DSG3: variants seen among roughly 807,000 people sequenced by gnomAD.
DSG3 encodes desmoglein-3.
A neutral mutation model predicts 85.9 loss-of-function variants in DSG3; 63 were observed. The ratio of observed to expected loss-of-function variants is 0.73; its 90% CI spans 0.60 to 0.90. The LOEUF (loss-of-function observed/expected upper bound fraction) is 0.90, where lower values mean the gene tolerates loss of function less well. Among genes scored for constraint, DSG3 ranks in the 40% least tolerant of loss-of-function variants. The pLI is 0.00. For missense variants in DSG3, 1,220 were observed against 1,219.9 expected, an observed-to-expected ratio of 1.00 and a Z score of 0.00; for synonymous variants, 447 against 441.9, an observed-to-expected ratio of 1.01 and a Z score of -0.14.
At chr18:31,456,531 T>A (rs2072743094) in intron 2 of DSG3, 56 bp downstream of exon 2, 9 of 957,762 alleles carry the variant, frequency 9.4e-6, no homozygotes, top group Admixed American at 6.3e-5. Flanking sequence ...TAAAAAAAAA[T>A]TAAATTGTGT....
chr18:31,476,570 G>GT lies in DSG3; in HGVS notation c.*313dup, dbSNP rs1286453715. ...TATTTTTCCCCTGCCAAAGGAAGGTGTTTATCATTTTAAAATGCAATGTGA... is the reference window on the plus strand; with the variant it reads ...TATTTTTCCCCTGCCAAAGGAAGGTGTTTTATCATTTTAAAATGCAATGTGA... On this transcript the variant is annotated 3_prime_UTR_variant, in exon 16 of 16. Coordinates refer to ENST00000257189, the MANE Select transcript of DSG3 (RefSeq NM_001944.3). 4.0e-6 allele frequency: 1 copy of GT among 250,428 alleles called. No individual in the cohort carries two copies. Among genetic ancestry groups the GT allele is most frequent in the Non-Finnish European group, 7.6e-6 (1 of 131,682 alleles). The allele number at this position is 250,428 out of a possible 1,614,324, so 15.5% of individuals were successfully genotyped here. A position where few individuals can be genotyped will look rare whatever the true frequency, so the allele number is the denominator to read the frequency against.
At chr18:31,463,980 C>G in intron 8 of DSG3, 131 bp from the exon 9 acceptor site, 1 of 854,940 alleles carries the variant, frequency 1.2e-6, no homozygotes, top group Non-Finnish European at 1.8e-6. Context: ...ACAATAATTT[C>G]TGAAGCTGTT....
rs2072773332 is a variant in DSG3 at position 31,459,946 on chromosome 18, C to T, written c.619C>T (p.Pro207Ser). Residue 207 changes from proline to serine, a missense_variant, in exon 6 of 16, where the codon CCC becomes TCC. By Grantham distance (74) the Pro-to-Ser change is moderately conservative. Coordinates refer to ENST00000257189, the MANE Select transcript of DSG3 (RefSeq NM_001944.3). ...KIVSQEPAGTPMFLLSRNTGE... is the reference protein window; with the variant it reads ...KIVSQEPAGTSMFLLSRNTGE... ...TGTCTCTCAGGAACCAGCAGGCACACCCATGTTCCTCCTAAGCAGAAACAC... is the reference window on the plus strand; with the variant it reads ...TGTCTCTCAGGAACCAGCAGGCACATCCATGTTCCTCCTAAGCAGAAACAC... 3 of 1,614,030 alleles carry T rather than the reference C, an allele frequency of 1.9e-6. No homozygotes were observed. Among genetic ancestry groups the T allele is most frequent in the East Asian group, 2.2e-5 (1 of 44,868 alleles).
At chr18:31,456,702 A>C (rs1194685997) in intron 2 of DSG3, among the ~76,000 whole-genome samples, 1 of 152,190 alleles carries the variant, frequency 6.6e-6, no homozygotes, top group Non-Finnish European at 1.5e-5. Context: ...TCTTATCTTA[A>C]ACAAATCAGC....
At position 31,456,521 on chromosome 18, in the gene DSG3, T is replaced by A. The variant is rs753441177; in HGVS notation, c.84+46T>A. 4 of 1,086,636 alleles carry A rather than the reference T, an allele frequency of 3.7e-6. No homozygotes were observed. The Admixed American group carries it at 9.3e-5, about 25-fold the overall frequency. 67.3% of individuals were successfully genotyped at this position (1,086,636 alleles called of 1,614,324 possible). A position where few individuals can be genotyped will look rare whatever the true frequency, so the allele number is the denominator to read the frequency against. On this transcript the variant is annotated intron_variant, in intron 2 of 15. Coordinates refer to ENST00000257189, the MANE Select transcript of DSG3 (RefSeq NM_001944.3). ...TTGTACTTAAAATAATAGTTTAGTT[T>A]AAAAAAAAATTAAATTGTGTTTAGT...
chr18:31,455,335 C>T (rs575442745), intron 1 of DSG3, among the ~76,000 whole-genome samples: 10 of 151,696 alleles, frequency 6.6e-5, no homozygotes, highest in South Asian at 4.2e-4. Context: ...CATTATTTTC[C>T]GACCAGATTC....
intron 4 of DSG3, 82 bp from the exon 5 acceptor site, chr18:31,458,951 A>C: frequency 6.7e-7 from 1 of 1,491,228 alleles, no homozygotes; most frequent in Non-Finnish European, 9.1e-7. Flanking sequence ...TGTCCATGCC[A>C]ACAGAGGCCT....
intron 15 of DSG3, 131 bp downstream of exon 15, chr18:31,474,535 G>T: frequency 8.3e-7 from 1 of 1,201,144 alleles, no homozygotes; most frequent in South Asian, 1.6e-5. Flanking sequence ...TGGTTTGTTT[G>T]TTTTTTGCCA....
intron 12 of DSG3, among the ~76,000 whole-genome samples, chr18:31,470,866 G>A (rs1210907356): frequency 2.0e-5 from 3 of 152,154 alleles, no homozygotes; most frequent in African/African-American, 7.2e-5. Flanking sequence ...GCTAAAGCGC[G>A]GGGAAATTGT....
chr18:31,459,908 T>C lies in DSG3; in HGVS notation c.581T>C (p.Ile194Thr), dbSNP rs2072772984. ...ADEPNHLNSK[I>T]AFKIVSQEPA... ...GAACCAAACCACTTGAATTCTAAAA[T>C]TGCCTTCAAAATTGTCTCTCAGGAA... The change falls in exon 6 of 16, where the codon ATT becomes ACT. Residue 194 changes from isoleucine (I) to threonine (T), a missense_variant. Coordinates refer to ENST00000257189, the MANE Select transcript of DSG3 (RefSeq NM_001944.3). 3 of 1,613,972 alleles carry C rather than the reference T, an allele frequency of 1.9e-6. No homozygotes were observed. The highest frequency in any genetic ancestry group is 1.7e-6 in the Non-Finnish European group (2 of 1,180,012).
Position 31,475,988 on chromosome 18 carries a change from T to C in DSG3, c.2728T>C (p.Leu910=), listed in dbSNP as rs770517333. 6.2e-7 allele frequency: 1 copy of C among 1,614,216 alleles called. No individual in the cohort carries two copies. The highest frequency in any genetic ancestry group is 2.2e-5 in the East Asian group (1 of 44,886). The change falls in exon 16 of 16, where the codon TTG becomes CTG. Residue 910 remains leucine, a synonymous_variant. Transcript: ENST00000257189. ...TLSGSQGASA[L]STSGSVQPAV... ...GTCAGGAAGTCAAGGAGCTTCTGCTTTGTCCACCTCTGGGTCTGTCCAGCC... is the reference window on the plus strand; with the variant it reads ...GTCAGGAAGTCAAGGAGCTTCTGCTCTGTCCACCTCTGGGTCTGTCCAGCC...
At chr18:31,466,980 C>T (rs1316157618) in intron 11 of DSG3, among the ~76,000 whole-genome samples, 1 of 152,238 alleles carries the variant, frequency 6.6e-6, no homozygotes, top group Non-Finnish European at 1.5e-5. Flanking sequence ...TTTTAGGGTT[C>T]GTTTGATATT....
At chr18:31,456,553 G>T in intron 2 of DSG3, 78 bp downstream of exon 2, 3 of 743,444 alleles carry the variant, frequency 4.0e-6, no homozygotes, top group South Asian at 5.7e-5. Context: ...TAGTAGAAAT[G>T]AATATTTAAT....
At chr18:31,462,964 C>G (rs2072795430) in intron 8 of DSG3, among the ~76,000 whole-genome samples, 1 of 152,180 alleles carries the variant, frequency 6.6e-6, no homozygotes, top group Non-Finnish European at 1.5e-5. Context: ...TTTCCCTTGA[C>G]AGTAAGGGTG....
At position 31,466,601 on chromosome 18, in the gene DSG3, G is replaced by A; in HGVS notation, c.1483G>A (p.Ala495Thr). The part of the protein sequence containing the change: ...VPDFNDNCPT[A>T]VLEKDAVCSS... Reference sequence around the variant, plus strand: ...CGATTTCAATGACAATTGTCCAACAGCTGTCCTCGAAAAAGATGCAGTTTG... The same window carrying A: ...CGATTTCAATGACAATTGTCCAACAACTGTCCTCGAAAAAGATGCAGTTTG... Residue 495 changes from alanine (A) to threonine (T), a missense_variant, in exon 11 of 16, where the codon GCT (alanine) becomes ACT (threonine). By Grantham distance (58) the Ala-to-Thr change is moderately conservative. Coordinates refer to ENST00000257189, the MANE Select transcript of DSG3 (RefSeq NM_001944.3). 3 of 1,614,212 alleles carry A rather than the reference G, an allele frequency of 1.9e-6. No homozygotes were observed. Among genetic ancestry groups the A allele is most frequent in the Non-Finnish European group, 2.5e-6 (3 of 1,180,038 alleles).
rs7240789 is a variant in DSG3 at position 31,458,573 on chromosome 18, C to G, written c.345C>G (p.Val115=). ...GAGATATTAACATAACAGCTATAGT[C>G]GACCGGGAGGAAACTCCAAGCTTCC... ...NTGDINITAI[V]DREETPSFLI... Residue 115 remains valine (V), a synonymous_variant, in exon 4 of 16, where the codon GTC becomes GTG. Transcript: ENST00000257189. 2 of 1,613,492 alleles carry G rather than the reference C, an allele frequency of 1.2e-6. No individual in the cohort carries two copies. The highest frequency in any genetic ancestry group is 1.3e-5 in the African/African-American group (1 of 74,924).
chr18:31,467,907 A>AT (rs1598784160), intron 11 of DSG3, among the ~76,000 whole-genome samples: 2 of 152,212 alleles, frequency 1.3e-5, no homozygotes, highest in Admixed American at 6.5e-5. Context: ...CAAACTGTGC[A>AT]TGTAGCATTT....
chr18:31,473,909 A>G lies in DSG3; in HGVS notation c.2102-212A>G, dbSNP rs190241876. On this transcript the variant is annotated intron_variant, in intron 14 of 15. Transcript: ENST00000257189. Reference sequence around the variant, plus strand: ...TTCTTTGTACACTTTTAAAATTAGTATATTTTTAGAGCTTTTTCACCCGTT... The same window carrying G: ...TTCTTTGTACACTTTTAAAATTAGTGTATTTTTAGAGCTTTTTCACCCGTT... Among the ~76,000 whole-genome samples, 534 of 152,228 alleles carry G rather than the reference A, an allele frequency of 3.5e-3. 5 individuals are homozygous for G. Among genetic ancestry groups the G allele is most frequent in the African/African-American group, 0.012 (500 of 41,538 alleles).
chr18:31,466,736 A>C lies in DSG3; in HGVS notation c.1618A>C (p.Ser540Arg), dbSNP rs1403095875. The C allele has an allele frequency of 8.1e-6, 13 of 1,613,996 alleles. No individual in the cohort carries two copies. The highest frequency in any genetic ancestry group is 1.3e-5 in the African/African-American group (1 of 74,944). ...DQPVKLPAVWSITTLNATSAL... is the reference protein window; with the variant it reads ...DQPVKLPAVWRITTLNATSAL... ...ACCTGTAAAGTTGCCTGCCGTATGG[A>C]GTATCACAACCCTCAATGGTGAGTA... Residue 540 changes from serine to arginine, a missense_variant, in exon 11 of 16, where the codon AGT becomes CGT. By Grantham distance (110) the Ser-to-Arg change is moderately radical (BLOSUM62 -1). Coordinates refer to ENST00000257189, the MANE Select transcript of DSG3 (RefSeq NM_001944.3).
Sources: gnomAD v4.1 joint callset for allele counts (sites outside exome capture counted in the v4.1 genomes callset) on GRCh38, gnomAD v4.1.1 for gene constraint, MANE v1.5 for transcripts, NCBI Gene and HGNC (gene_info 2026-07-23, HGNC 2026-07-21) for gene names.